Variants in RNF14 observed in about 807,000 individuals in gnomAD.
The protein encoded by RNF14 is E3 ubiquitin-protein ligase RNF14.
A neutral mutation model predicts 52.6 loss-of-function variants in RNF14; 26 were observed. The ratio of observed to expected loss-of-function variants is 0.49; its 90% CI spans 0.36 to 0.69. RNF14 has a LOEUF of 0.69. Ranked by LOEUF, RNF14 falls within the 30% of genes least tolerant of loss-of-function variation. The probability of loss-of-function intolerance (pLI) is 0.00; values close to 1 mark genes in which losing one functional copy is unlikely to be tolerated. For synonymous variants in RNF14, 194 were observed against 202.0 expected (o/e 0.96, Z 0.34); for missense variants, 404 against 560.4 (o/e 0.72, Z 2.82).
intron 6 of RNF14, 32 bp from the exon 7 acceptor site, chr5:141,983,348 T>C (rs1754946972): frequency 6.4e-7 from 1 of 1,572,282 alleles, no homozygotes; most frequent in Non-Finnish European, 8.7e-7. Context: ...TACAAAGTTA[T>C]ATAAAAGTTA....
At chr5:141,983,964 T>C (rs933733828) in intron 7 of RNF14, among the ~76,000 whole-genome samples, 12 of 152,172 alleles carry the variant, frequency 7.9e-5, no homozygotes, top group East Asian at 1.9e-4. Context: ...TAGACAGATA[T>C]ATTGCTTCTT....
At chr5:141,955,375 A>G (rs752194787), upstream of RNF14, 2 of 1,613,966 alleles carry the variant, frequency 1.2e-6, no homozygotes, top group East Asian at 2.2e-5. This position sits in a 1 kb window ranked among gnomAD's most constrained non-coding sequence, Gnocchi z 5.5. Flanking sequence ...TTGATTACGC[A>G]GCGTCCTGTA....
upstream of RNF14, among the ~76,000 whole-genome samples, chr5:141,964,780 A>AT (rs67577436): frequency 0.077 from 10,594 of 137,514 alleles, 1,224 homozygotes; most frequent in African/African-American, 0.26. Context: ...AGCCCGGCTA[A>AT]TTTTTTTTTT....
the RNF14 span, chr5:141,951,427 G>A: frequency 8.5e-7 from 1 of 1,175,776 alleles, no homozygotes; most frequent in South Asian, 1.2e-5. Context: ...CACTCACAGA[G>A]GCTGCAGTGA....
intron 1 of RNF14, among the ~76,000 whole-genome samples, chr5:141,969,935 A>C (rs558765432): frequency 6.6e-6 from 1 of 152,326 alleles, no homozygotes; most frequent in Non-Finnish European, 1.5e-5. Flanking sequence ...AGCTTAATTC[A>C]ATTAGCACCA....
upstream of RNF14, among the ~76,000 whole-genome samples, chr5:141,962,761 T>TA (rs1332408997): frequency 3.3e-5 from 5 of 152,332 alleles, no homozygotes; most frequent in African/African-American, 9.6e-5. Context: ...TGTGCGTTAG[T>TA]AACCATAACA....
chr5:141,978,946 C>A, intron 5 of RNF14, 116 bp downstream of exon 5: 1 of 1,105,100 alleles, frequency 9.0e-7, no homozygotes, highest in Non-Finnish European at 1.3e-6. Context: ...GGAGCCAGCC[C>A]ACAAGTTGTT....
chr5:141,950,412 T>C, the RNF14 span, among the ~76,000 whole-genome samples: 11 of 152,274 alleles, frequency 7.2e-5, no homozygotes, highest in Non-Finnish European at 1.2e-4. Flanking sequence ...GTGTGGGTGA[T>C]AATGACAACT....
Position 141,970,146 on chromosome 5 carries a change from C to A in RNF14, c.-180-558C>A, listed in dbSNP as rs1377602644. Among the ~76,000 whole-genome samples the A allele has an allele frequency of 2.6e-5, 4 of 152,134 alleles. No individual in the cohort carries two copies. The East Asian group carries it at 7.7e-4, about 29-fold the overall frequency. On this transcript the variant is annotated intron_variant, in intron 1 of 8. Transcript: ENST00000394520. ...AGGGTGTTGATAGGATTCTCCGTAG[C>A]CCATCTATAGACCACACTCCCTTTT... is the stretch of plus-strand genomic sequence containing the variant.
intron 1 of RNF14, 73 bp downstream of exon 1, chr5:141,969,240 G>C (rs917473043): frequency 6.5e-6 from 1 of 153,320 alleles, no homozygotes; most frequent in East Asian, 1.9e-4. Context: ...GGAAGGTACG[G>C]TGGGGATAGC....
At chr5:141,956,855 G>C, upstream of RNF14, 1 of 1,614,204 alleles carries the variant, frequency 6.2e-7, no homozygotes, top group Non-Finnish European at 8.5e-7. Flanking sequence ...CAATGGGCTG[G>C]GATAGGATTG....
chr5:141,949,548 CT>C, the RNF14 span: 2 of 1,614,176 alleles, frequency 1.2e-6, no homozygotes, highest in Non-Finnish European at 1.7e-6. Context: ...GCCTCCAGCC[CT>C]TGCACTTGGG....
chr5:141,984,651 T>C, intron 7 of RNF14, 152 bp from the exon 8 acceptor site: 1 of 580,254 alleles, frequency 1.7e-6, no homozygotes, highest in Non-Finnish European at 3.0e-6. Context: ...ATAGAAAGAA[T>C]TACATAGTCA....
upstream of RNF14, chr5:141,955,950 G>T: frequency 1.2e-6 from 2 of 1,614,196 alleles, no homozygotes; most frequent in South Asian, 2.2e-5. This position sits in a 1 kb window ranked among gnomAD's most constrained non-coding sequence, Gnocchi z 5.5. Flanking sequence ...TGCTGTAGAG[G>T]GGCTCTCCAT....
upstream of RNF14, chr5:141,955,616 CCTT>C (rs367853620): frequency 8.1e-4 from 1,303 of 1,614,142 alleles, 8 homozygotes; most frequent in African/African-American, 0.014. The surrounding 1 kb of genome is among the most constrained non-coding windows in gnomAD (Gnocchi z 5.5). Context: ...GCCCTGTTGT[CCTT>C]CTTTTCTGTC....
At chr5:141,963,394 T>G, upstream of RNF14, among the ~76,000 whole-genome samples, 1 of 151,556 alleles carries the variant, frequency 6.6e-6, no homozygotes, top group South Asian at 2.1e-4. Flanking sequence ...TTTTTTTTTT[T>G]AAGAATTTTG....
At chr5:141,971,453 CA>C (rs1753737169) in intron 2 of RNF14, among the ~76,000 whole-genome samples, 1 of 152,164 alleles carries the variant, frequency 6.6e-6, no homozygotes, top group South Asian at 2.1e-4. Context: ...AGGCTGATCT[CA>C]AACTGCTGGC....
At chr5:141,966,907 AG>A (rs991626677), upstream of RNF14, 2 of 152,308 alleles carry the variant, frequency 1.3e-5, no homozygotes, top group Non-Finnish European at 2.9e-5. Flanking sequence ...ACTCTGAGGT[AG>A]GGTTGCTGTG....
intron 8 of RNF14, 106 bp from the exon 9 acceptor site, chr5:141,987,627 G>A (rs1428303494): frequency 9.4e-7 from 1 of 1,058,588 alleles, no homozygotes; most frequent in Non-Finnish European, 1.5e-6. Flanking sequence ...GAGAAGAAAA[G>A]ATGTACAAAG....
Sources: allele counts gnomAD v4.1 joint callset (sites outside exome capture counted in the v4.1 genomes callset), GRCh38; gene constraint gnomAD v4.1.1; non-coding constraint Gnocchi (gnomAD v3.1); transcripts MANE v1.5; gene names NCBI Gene and HGNC (gene_info 2026-07-23, HGNC 2026-07-21).